The following PDSS2 variants were observed in gnomAD, a reference collection of about 807,000 sequenced individuals.
The protein encoded by PDSS2 is decaprenyl diphosphate synthase subunit 2.
A neutral mutation model predicts 44.5 loss-of-function variants in PDSS2; 31 were observed. The ratio of observed to expected loss-of-function variants is 0.70; its 90% confidence interval spans 0.52 to 0.94. The LOEUF (loss-of-function observed/expected upper bound fraction) is 0.94. Ranked by LOEUF, PDSS2 falls within the 40% of genes least tolerant of loss-of-function variation. The pLI, the probability that PDSS2 is intolerant of heterozygous loss-of-function variation, is 0.00. For missense variants in PDSS2, 452 were observed against 482.2 expected, an observed-to-expected ratio of 0.94 and a Z score of 0.59; for synonymous variants, 157 against 180.3, an observed-to-expected ratio of 0.87 and a Z score of 1.03.
chr6:107,435,052 G>A (rs540431232), intron 1 of PDSS2, among the ~76,000 whole-genome samples: 8 of 152,118 alleles, frequency 5.3e-5, no homozygotes, highest in Non-Finnish European at 2.9e-5. Flanking sequence ...CAAGGCAGGA[G>A]GATTGGTTGA....
At chr6:107,295,428 C>T (rs1014882202) in intron 2 of PDSS2, among the ~76,000 whole-genome samples, 2 of 152,166 alleles carry the variant, frequency 1.3e-5, no homozygotes, top group Non-Finnish European at 2.9e-5. Flanking sequence ...CACATATTCC[C>T]TTGTGGGTAT....
intron 2 of PDSS2, among the ~76,000 whole-genome samples, chr6:107,285,608 A>C (rs1486221227): frequency 2.6e-5 from 4 of 152,232 alleles, no homozygotes; most frequent in Non-Finnish European, 4.4e-5. Flanking sequence ...AAAAATAACA[A>C]TTCAAATCAT....
chr6:107,245,560 A>G lies in PDSS2; in HGVS notation c.690T>C (p.Asn230=). Residue 230 remains asparagine (N), a synonymous_variant, in exon 4 of 8, where the codon AAT becomes AAC. Coordinates refer to ENST00000369037, the MANE Select transcript of PDSS2 (RefSeq NM_020381.4). ...TGAAATCCTTTACCTTTGAAGTAGA[A>G]TTTTCATGATATACTCCTTGTACCA... ...MDLVQGVYHE[N]STSKESYITD... 1 of 1,580,438 alleles carries G rather than the reference A, an allele frequency of 6.3e-7. No homozygotes were observed. Among genetic ancestry groups the G allele is most frequent in the Non-Finnish European group, 8.7e-7 (1 of 1,152,888 alleles).
chr6:107,260,910 C>T (rs928875749), intron 3 of PDSS2, among the ~76,000 whole-genome samples: 2 of 152,134 alleles, frequency 1.3e-5, no homozygotes, highest in Non-Finnish European at 2.9e-5. Context: ...GATCTGCCCA[C>T]CTCAGACACC....
intron 6 of PDSS2, among the ~76,000 whole-genome samples, chr6:107,198,742 G>GCA (rs1772652111): frequency 6.6e-6 from 1 of 152,078 alleles, no homozygotes; most frequent in South Asian, 2.1e-4. Flanking sequence ...GATCACATGA[G>GCA]CACAAGAGTT....
At chr6:107,177,924 T>G (rs1562355055) in intron 7 of PDSS2, among the ~76,000 whole-genome samples, 1 of 152,184 alleles carries the variant, frequency 6.6e-6, no homozygotes, top group Non-Finnish European at 1.5e-5. Context: ...AATCAAATAG[T>G]CCTGGGGGTA....
intron 1 of PDSS2, among the ~76,000 whole-genome samples, chr6:107,436,295 G>A (rs1436574335): frequency 6.6e-6 from 1 of 152,116 alleles, no homozygotes; most frequent in Non-Finnish European, 1.5e-5. Flanking sequence ...AAAGCAGTTG[G>A]CAATACAGTA....
intron 3 of PDSS2, among the ~76,000 whole-genome samples, chr6:107,252,640 C>A (rs1308061948): frequency 6.6e-6 from 1 of 152,108 alleles, no homozygotes; most frequent in Non-Finnish European, 1.5e-5. Flanking sequence ...TATAAAATTG[C>A]AACTGAGGCT....
At chr6:107,165,709 T>C (rs1463095208) in intron 7 of PDSS2, among the ~76,000 whole-genome samples, 3 of 151,726 alleles carry the variant, frequency 2.0e-5, no homozygotes, top group African/African-American at 4.8e-5. Flanking sequence ...AAGAAAGTCA[T>C]TGGTAGCTTG....
chr6:107,444,638 C>T (rs1234688967), intron 1 of PDSS2, among the ~76,000 whole-genome samples: 1 of 152,152 alleles, frequency 6.6e-6, no homozygotes, highest in Non-Finnish European at 1.5e-5. Flanking sequence ...GGTTTTCAGT[C>T]AGTAATTACA....
intron 2 of PDSS2, among the ~76,000 whole-genome samples, chr6:107,284,248 CA>C (rs2114990121): frequency 6.6e-6 from 1 of 152,126 alleles, no homozygotes; most frequent in Admixed American, 6.6e-5. Context: ...TAAATATTTA[CA>C]CTTTGTCATT....
At chr6:107,382,775 T>C (rs1458828686) in intron 1 of PDSS2, among the ~76,000 whole-genome samples, 1 of 152,054 alleles carries the variant, frequency 6.6e-6, no homozygotes, top group Non-Finnish European at 1.5e-5. Context: ...ATGTCGAGGC[T>C]ACAGTGAGCC....
At chr6:107,331,872 G>C (rs1777721634) in intron 2 of PDSS2, among the ~76,000 whole-genome samples, 3 of 151,878 alleles carry the variant, frequency 2.0e-5, no homozygotes, top group African/African-American at 7.3e-5. Context: ...CTGTATGTGT[G>C]GTTATCCAAA....
At chr6:107,436,581 A>T (rs1169962177) in intron 1 of PDSS2, among the ~76,000 whole-genome samples, 1 of 152,232 alleles carries the variant, frequency 6.6e-6, no homozygotes, top group Non-Finnish European at 1.5e-5. Flanking sequence ...ATTTGGTTAT[A>T]CTTCTTATGT....
At chr6:107,425,777 T>A (rs1037182202) in intron 1 of PDSS2, among the ~76,000 whole-genome samples, 2 of 152,010 alleles carry the variant, frequency 1.3e-5, no homozygotes, top group Admixed American at 6.6e-5. Context: ...CTGGCTAACA[T>A]GGTGAAACCC....
chr6:107,338,258 T>A (rs915691236), intron 1 of PDSS2, among the ~76,000 whole-genome samples: 7 of 152,224 alleles, frequency 4.6e-5, no homozygotes, highest in Non-Finnish European at 1.0e-4. Flanking sequence ...TCATATTTCA[T>A]CTGGAACACT....
At chr6:107,244,403 G>A (rs1774540777) in intron 4 of PDSS2, among the ~76,000 whole-genome samples, 1 of 152,080 alleles carries the variant, frequency 6.6e-6, no homozygotes, top group Admixed American at 6.6e-5. Flanking sequence ...TTTACAAGTG[G>A]AACTAGACCA....
intron 2 of PDSS2, among the ~76,000 whole-genome samples, chr6:107,321,105 T>C (rs1055320551): frequency 1.3e-5 from 2 of 152,246 alleles, no homozygotes; most frequent in East Asian, 1.9e-4. Context: ...AGCAGACTTA[T>C]AGAAAACTCT....
intron 1 of PDSS2, among the ~76,000 whole-genome samples, chr6:107,439,210 A>G (rs1035589436): frequency 6.6e-6 from 1 of 152,224 alleles, no homozygotes; most frequent in Non-Finnish European, 1.5e-5. Context: ...TGCAATGAAT[A>G]CAGGTATTGA....
Sources: allele counts gnomAD v4.1 joint callset (sites outside exome capture counted in the v4.1 genomes callset), GRCh38; gene constraint gnomAD v4.1.1; transcripts MANE v1.5; gene names NCBI Gene and HGNC (gene_info 2026-07-23, HGNC 2026-07-21).